The following PIK3R6 variants were observed in gnomAD, a reference collection of about 807,000 sequenced individuals.
PIK3R6 encodes the protein phosphoinositide 3-kinase regulatory subunit 6.
A neutral mutation model predicts 84.9 loss-of-function variants in PIK3R6; 91 were observed. The ratio of observed to expected loss-of-function variants is 1.07; its 90% CI spans 0.90 to 1.28. The LOEUF (loss-of-function observed/expected upper bound fraction) is 1.28. Ranked by LOEUF, PIK3R6 falls within the 50% of genes most tolerant of loss-of-function variation. The pLI is 0.00. For synonymous variants in PIK3R6, 416 were observed against 411.4 expected, an observed-to-expected ratio of 1.01 and a Z score of -0.13; for missense variants, 996 against 985.1, an observed-to-expected ratio of 1.01 and a Z score of -0.15.
At chr17:8,823,204 G>T in intron 14 of PIK3R6, 118 bp from the exon 15 acceptor site, 1 of 869,962 alleles carries the variant, frequency 1.1e-6, no homozygotes, top group Admixed American at 2.3e-5. Context: ...CCTACTTCTT[G>T]GATTTGAGGT....
intron 1 of PIK3R6, among the ~76,000 whole-genome samples, chr17:8,865,488 A>G (rs1276076595): frequency 3.3e-5 from 5 of 152,160 alleles, no homozygotes; most frequent in Non-Finnish European, 7.4e-5. Context: ...TGGCACAGAG[A>G]GAGGGGACCT....
chr17:8,831,201 G>A (rs2088226450), intron 9 of PIK3R6, among the ~76,000 whole-genome samples: 2 of 148,652 alleles, frequency 1.3e-5, no homozygotes, highest in Admixed American at 6.7e-5. Context: ...GTGGTGGCAC[G>A]TGCCTGTGGT....
rs756232603 is a variant in PIK3R6, at chr17:8,828,126, C to T, written c.1378G>A (p.Val460Met). Residue 460 changes from valine to methionine, a missense_variant, in exon 12 of 20, where the codon GTG becomes ATG. Val to Met is a conservative substitution (Grantham distance 21). Transcript: ENST00000619866. ...GGTCCAGTCACCTCAGGCGCCAGCA[C>T]GGGGATGTAGTAGAGCTGCAGGCTG... is the stretch of plus-strand genomic sequence containing the variant. ...RLSLQLYYIP[V>M]LAPEKPAASR... is the part of the protein sequence containing the mutation. The T allele has an allele frequency of 3.1e-6, 5 of 1,613,926 alleles. No homozygotes were observed. Among genetic ancestry groups the T allele is most frequent in the Non-Finnish European group, 4.2e-6 (5 of 1,179,854 alleles).
intron 9 of PIK3R6, among the ~76,000 whole-genome samples, chr17:8,830,726 T>C (rs1485000488): frequency 6.6e-6 from 1 of 152,144 alleles, no homozygotes; most frequent in African/African-American, 2.4e-5. Context: ...AGTGACGACT[T>C]GAGCCCAGGC....
At chr17:8,855,393 G>A (rs957950752) in intron 1 of PIK3R6, among the ~76,000 whole-genome samples, 2 of 151,054 alleles carry the variant, frequency 1.3e-5, no homozygotes, top group African/African-American at 2.4e-5. Context: ...CTCCCCAAAT[G>A]GGCAAAAGAT....
chr17:8,863,324 A>C (rs953530721), intron 1 of PIK3R6, among the ~76,000 whole-genome samples: 7 of 152,158 alleles, frequency 4.6e-5, no homozygotes, highest in African/African-American at 1.7e-4. Context: ...AAATAAGGCT[A>C]ATTAACATAT....
rs979671230 is a variant in PIK3R6, at chr17:8,829,800, A to G, written c.803-8T>C. On this transcript the variant is annotated splice_region_variant and splice_polypyrimidine_tract_variant and intron_variant, in intron 9 of 19. Coordinates refer to ENST00000619866, the MANE Select transcript of PIK3R6 (RefSeq NM_001010855.4). The stretch of plus-strand genomic sequence containing the variant: ...GCTCTTGGACAAGGTCACCTGCAGA[A>G]AGGAGCAGGCTGTGGAGGCCATGGA... 1 of 1,549,580 alleles carries G rather than the reference A, an allele frequency of 6.5e-7. No homozygotes were observed. Among genetic ancestry groups the G allele is most frequent in the Admixed American group, 2.0e-5 (1 of 50,874 alleles).
At position 8,828,967 on chromosome 17, in the gene PIK3R6, G is replaced by A. The variant is rs376176507; in HGVS notation, c.913C>T (p.Arg305Cys). Residue 305 changes from arginine to cysteine, a missense_variant, in exon 11 of 20, where the codon CGC becomes TGC. Coordinates refer to ENST00000619866, the MANE Select transcript of PIK3R6 (RefSeq NM_001010855.4). ...QLWKELVLFL[R>C]PRSQLRLSAD... ...CTGAGGCGCAGCTGGGATCTTGGGC[G>A]GAGGAAGAGCACCAGTTCCTTCCCT... is the stretch of plus-strand genomic sequence containing the variant. The A allele has an allele frequency of 2.2e-5, 33 of 1,499,980 alleles. No homozygotes were observed. The highest frequency in any genetic ancestry group is 2.8e-5 in the Non-Finnish European group (31 of 1,124,554). The allele number at this position is 1,499,980 out of a possible 1,614,324, so 92.9% of individuals were successfully genotyped here.
chr17:8,865,250 G>C (rs9907266), intron 1 of PIK3R6, among the ~76,000 whole-genome samples: 54,344 of 151,876 alleles, frequency 0.36, 11,017 homozygotes, highest in African/African-American at 0.53. Flanking sequence ...TGTCCCTTGT[G>C]CCCCCATCCC....
chr17:8,819,031 C>A, intron 18 of PIK3R6, 52 bp downstream of exon 18: 1 of 1,392,118 alleles, frequency 7.2e-7, no homozygotes, highest in Non-Finnish European at 9.8e-7. Flanking sequence ...TCCCAGCCAC[C>A]TACTGCTGTC....
Position 8,837,826 on chromosome 17 carries a change from T to A in PIK3R6, c.235A>T (p.Thr79Ser), listed in dbSNP as rs1203014682. ...LRHVIIPLLH[T>S]VMYVLTKATG... is the part of the protein sequence containing the mutation. ...ACCTTGGTGAGCACGTACATTACAG[T>A]GTGCAGCAAGGGAATGATGACATGC... The change falls in exon 5 of 20, where the codon ACT becomes TCT. Residue 79 changes from threonine to serine, a missense_variant. Thr to Ser is a moderately conservative substitution (Grantham distance 58). Transcript: ENST00000619866. 3 of 1,613,608 alleles carry A rather than the reference T, an allele frequency of 1.9e-6. No individual in the cohort carries two copies. Among genetic ancestry groups the A allele is most frequent in the Admixed American group, 3.3e-5 (2 of 59,990 alleles).
chr17:8,812,802 T>C (rs9891993), intron 18 of PIK3R6, among the ~76,000 whole-genome samples: 3 of 152,088 alleles, frequency 2.0e-5, no homozygotes, highest in South Asian at 2.1e-4. Flanking sequence ...ATAAAAAAGA[T>C]GGATCTCAAA....
intron 1 of PIK3R6, among the ~76,000 whole-genome samples, chr17:8,867,138 C>T (rs2089430871): frequency 6.6e-6 from 1 of 152,144 alleles, no homozygotes; most frequent in African/African-American, 2.4e-5. Context: ...TAAAATGGCA[C>T]TAAAACACTT....
At chr17:8,845,452 G>A (rs577862667) in intron 2 of PIK3R6, among the ~76,000 whole-genome samples, 190 of 152,240 alleles carry the variant, frequency 1.2e-3, no homozygotes, top group African/African-American at 4.5e-3. Context: ...CTGCTTGTAT[G>A]TCTTCTTTTG....
At chr17:8,805,331 T>C (rs1297810605) in intron 18 of PIK3R6, among the ~76,000 whole-genome samples, 1 of 152,186 alleles carries the variant, frequency 6.6e-6, no homozygotes, top group South Asian at 2.1e-4. Context: ...TGTTAAGAAC[T>C]CTTATTAATT....
At chr17:8,816,968 C>G (rs866039419) in intron 18 of PIK3R6, among the ~76,000 whole-genome samples, 1 of 152,168 alleles carries the variant, frequency 6.6e-6, no homozygotes, top group Non-Finnish European at 1.5e-5. Flanking sequence ...GCTCACACTA[C>G]GCTTGTAATA....
chr17:8,861,370 C>G (rs1033064545), intron 1 of PIK3R6, among the ~76,000 whole-genome samples: 1 of 152,188 alleles, frequency 6.6e-6, no homozygotes, highest in Non-Finnish European at 1.5e-5. Flanking sequence ...CTGTACTTCT[C>G]CCTAGCACCC....
intron 5 of PIK3R6, among the ~76,000 whole-genome samples, 155 bp downstream of exon 5, chr17:8,837,648 G>C (rs1017671100): frequency 7.9e-5 from 12 of 152,146 alleles, no homozygotes; most frequent in African/African-American, 2.2e-4. Flanking sequence ...GGAGGGAAAG[G>C]GGGTGGCTAG....
chr17:8,848,837 T>C (rs548645384), intron 2 of PIK3R6, among the ~76,000 whole-genome samples: 1 of 152,220 alleles, frequency 6.6e-6, no homozygotes, highest in South Asian at 2.1e-4. Context: ...TGAGGATGGA[T>C]GGATGGTTGG....
Sources: allele counts gnomAD v4.1 joint callset (sites outside exome capture counted in the v4.1 genomes callset), GRCh38; gene constraint gnomAD v4.1.1; transcripts MANE v1.5; gene names NCBI Gene and HGNC (gene_info 2026-07-23, HGNC 2026-07-21).